TM7SF3: variants seen among roughly 807,000 people sequenced by gnomAD.
TM7SF3 encodes the protein seven span transmembrane protein.
TM7SF3 carries 60 observed loss-of-function variants against 65.5 expected under a neutral mutation model. The observed-to-expected ratio is 0.92, with a 90% CI of 0.74 to 1.14. The LOEUF (loss-of-function observed/expected upper bound fraction) is 1.14. Among genes scored for constraint, TM7SF3 ranks in the 50% most tolerant of loss-of-function variants. The probability of loss-of-function intolerance (pLI) is 0.00; values close to 1 mark genes in which losing one functional copy is unlikely to be tolerated. For synonymous variants in TM7SF3, 264 were observed against 259.6 expected (o/e 1.02, Z -0.16); for missense variants, 623 against 684.8 (o/e 0.91, Z 1.01).
chr12:26,988,220 A>G (rs1940184841), intron 6 of TM7SF3, among the ~76,000 whole-genome samples: 1 of 152,078 alleles, frequency 6.6e-6, no homozygotes, highest in African/African-American at 2.4e-5. Flanking sequence ...TGGAGTGCAG[A>G]AGCACAATCA....
chr12:26,996,474 T>C (rs2136426192), intron 4 of TM7SF3, among the ~76,000 whole-genome samples: 1 of 152,344 alleles, frequency 6.6e-6, no homozygotes, highest in East Asian at 1.9e-4. Context: ...TAAAGTGCTT[T>C]ATAAAAACCA....
chr12:27,008,448 T>C (rs531493523), intron 1 of TM7SF3, among the ~76,000 whole-genome samples: 1 of 152,316 alleles, frequency 6.6e-6, no homozygotes, highest in African/African-American at 2.4e-5. Context: ...GACAGATACG[T>C]TGCGAATATA....
Position 26,999,602 on chromosome 12 carries a change from T to C in TM7SF3, c.321A>G (p.Thr107=), listed in dbSNP as rs149380914. The C allele has an allele frequency of 1.5e-4, 241 of 1,614,052 alleles. 1 individual carries two copies. Among genetic ancestry groups the C allele is most frequent in the Non-Finnish European group, 1.9e-4 (223 of 1,179,960 alleles). The change falls in exon 3 of 12, where the codon ACA becomes ACG. Residue 107 remains threonine, a synonymous_variant. Coordinates refer to ENST00000343028, the MANE Select transcript of TM7SF3 (RefSeq NM_016551.3). ...CTGAAGTCCCCAAGTACCAAGTGCA[T>C]GTACTCTGCTCTGGTCTAAGGATGA... is the stretch of plus-strand genomic sequence containing the variant. ...LVFILRPEQS[T]CTWYLGTSGI... is the part of the protein sequence containing the mutation.
chr12:26,996,376 G>T (rs75636960), intron 4 of TM7SF3, among the ~76,000 whole-genome samples: 3,442 of 152,242 alleles, frequency 0.023, 57 homozygotes, highest in Middle Eastern at 0.078. Flanking sequence ...TACTATTAAA[G>T]CAGAAACTGA....
chr12:26,999,892 G>A (rs1940761373), intron 2 of TM7SF3: 2 of 490,560 alleles, frequency 4.1e-6, no homozygotes, highest in Admixed American at 6.6e-5. Flanking sequence ...GATTGTCTTA[G>A]TTAAGGCTGC....
chr12:26,985,998 G>GTTT (rs55959497), intron 6 of TM7SF3, among the ~76,000 whole-genome samples: 42 of 142,600 alleles, frequency 2.9e-4, no homozygotes, highest in African/African-American at 1.1e-3. Flanking sequence ...GTTTTGTATT[G>GTTT]TTTTTTTTTT....
chr12:26,990,659 T>A, intron 5 of TM7SF3, 32 bp from the exon 6 acceptor site: 1 of 1,574,618 alleles, frequency 6.4e-7, no homozygotes, highest in Non-Finnish European at 8.7e-7. Context: ...GATTAGTGTT[T>A]AGGGGATTTT....
chr12:26,999,782 AG>A, intron 2 of TM7SF3, 106 bp from the exon 3 acceptor site: 2 of 1,196,164 alleles, frequency 1.7e-6, no homozygotes, highest in South Asian at 3.1e-5. Context: ...CAAAACAAAT[AG>A]AAAAAAAAAA....
chr12:26,985,121 GCCTT>G (rs909203012), intron 6 of TM7SF3, among the ~76,000 whole-genome samples: 1 of 152,176 alleles, frequency 6.6e-6, no homozygotes, highest in African/African-American at 2.4e-5. Flanking sequence ...AGGCCTGGGG[GCCTT>G]TCTATTTAGA....
At position 26,985,397 on chromosome 12, in the gene TM7SF3, G is replaced by A. The variant is rs926620144; in HGVS notation, c.869-2538C>T. ...CTGTAGGACTTTGGGAGGCCGAGGC[G>A]GGCATATCACCTGAGGTCAGGAGTT... On this transcript the variant is annotated intron_variant, in intron 6 of 11. Transcript: ENST00000343028. Among the ~76,000 whole-genome samples, 11 of 151,502 alleles carry A rather than the reference G, an allele frequency of 7.3e-5. No homozygotes were observed. In the East Asian group the frequency reaches 1.6e-3, roughly 21 times the overall value.
intron 9 of TM7SF3, among the ~76,000 whole-genome samples, chr12:26,977,634 A>G (rs1349117623): frequency 6.6e-6 from 1 of 152,136 alleles, no homozygotes; most frequent in Non-Finnish European, 1.5e-5. Flanking sequence ...TGTGCCTATA[A>G]TCCCAGCTAC....
In TM7SF3 at chr12:27,014,230, G is replaced by T. The variant is rs577121596; in HGVS notation, c.-62C>A. 10 of 1,496,942 alleles carry T rather than the reference G, an allele frequency of 6.7e-6. No homozygotes were observed. The highest frequency in any genetic ancestry group is 9.0e-6 in the Non-Finnish European group (10 of 1,109,708). The allele number at this position is 1,496,942 out of a possible 1,614,324, so 92.7% of individuals were successfully genotyped here. On this transcript the variant is annotated 5_prime_UTR_variant, in exon 1 of 12. Transcript: ENST00000343028. Reference sequence around the variant, plus strand: ...GGGAGAGGTGCGGGCGTGCGCGCCGGGGCCCCGCAGCCTCGCCCACGCTAT... The same window carrying T: ...GGGAGAGGTGCGGGCGTGCGCGCCGTGGCCCCGCAGCCTCGCCCACGCTAT...
chr12:27,003,472 A>G, intron 1 of TM7SF3, 82 bp from the exon 2 acceptor site: 2 of 1,327,708 alleles, frequency 1.5e-6, no homozygotes, highest in Non-Finnish European at 2.1e-6. Context: ...TGAATGTGGA[A>G]TTTAATCCTC....
rs141324609 is a variant in TM7SF3, at chr12:27,010,533, C to T, written c.91+3545G>A. Among the ~76,000 whole-genome samples, 74 of 152,292 alleles carry T rather than the reference C, an allele frequency of 4.9e-4. No individual in the cohort carries two copies. The East Asian group carries it at 6.7e-3, about 14-fold the overall frequency. ...TAAAAACAGATTTAGCAAAAGAAGA[C>T]ACATACTCAAAAAATATCCTGAAGA... On this transcript the variant is annotated intron_variant, in intron 1 of 11. Coordinates refer to ENST00000343028, the MANE Select transcript of TM7SF3 (RefSeq NM_016551.3).
chr12:26,982,201 A>AT (rs995869621), intron 7 of TM7SF3, among the ~76,000 whole-genome samples: 1 of 151,856 alleles, frequency 6.6e-6, no homozygotes, highest in Non-Finnish European at 1.5e-5. Context: ...AGCCTGGCTA[A>AT]TTTTTTGTAT....
rs568971542 is a variant in TM7SF3, at chr12:26,972,980, A to C, written c.*985T>G. ...ATTTCAATTACCATTTTAAGCAATA[A>C]AAGGCAAAAACAAAGGGAACCTACT... On this transcript the variant is annotated 3_prime_UTR_variant, in exon 12 of 12. Transcript: ENST00000343028. 3.9e-5 allele frequency among the ~76,000 whole-genome samples: 6 copies of C among 152,146 alleles called. No individual in the cohort carries two copies. Among genetic ancestry groups the C allele is most frequent in the Non-Finnish European group, 5.9e-5 (4 of 68,026 alleles).
chr12:26,989,808 G>C (rs1592288446), intron 6 of TM7SF3, among the ~76,000 whole-genome samples: 3 of 152,000 alleles, frequency 2.0e-5, no homozygotes, highest in Non-Finnish European at 2.9e-5. Flanking sequence ...TTCTCAAAAA[G>C]CAGCCAGTGA....
rs1939415263 is a variant in TM7SF3, at chr12:26,972,828, A to G, written c.*1137T>C. 6.6e-6 allele frequency among the ~76,000 whole-genome samples: 1 copy of G among 152,098 alleles called. No homozygotes were observed. The highest frequency in any genetic ancestry group is 1.9e-4 in the East Asian group (1 of 5,172). On this transcript the variant is annotated 3_prime_UTR_variant, in exon 12 of 12. Coordinates refer to ENST00000343028, the MANE Select transcript of TM7SF3 (RefSeq NM_016551.3). ...GTCATCTAATGCAGTTAAATTAAAGATCACCTGTTGACACTATTTGAAAAG... is the reference window on the plus strand; with the variant it reads ...GTCATCTAATGCAGTTAAATTAAAGGTCACCTGTTGACACTATTTGAAAAG...
intron 4 of TM7SF3, 106 bp downstream of exon 4, chr12:26,996,631 TAACTC>T: frequency 8.7e-7 from 1 of 1,143,166 alleles, no homozygotes; most frequent in East Asian, 2.7e-5. Context: ...CCCCAAAAAT[TAACTC>T]AATTTTACTA....
Sources: gnomAD v4.1 joint callset for allele counts (sites outside exome capture counted in the v4.1 genomes callset) on GRCh38, gnomAD v4.1.1 for gene constraint, MANE v1.5 for transcripts, NCBI Gene and HGNC (gene_info 2026-07-23, HGNC 2026-07-21) for gene names.